The following TNIK variants were observed in gnomAD, a reference collection of about 807,000 sequenced individuals.
TNIK encodes the protein TRAF2 and NCK interacting kinase, also known as TRAF2 and NCK-interacting protein kinase.
Under a neutral mutation model 191.3 loss-of-function variants are expected in TNIK, and 49 were observed. The observed-to-expected ratio is 0.26, with a 90% CI of 0.20 to 0.32. The LOEUF is 0.32. Among genes scored for constraint, TNIK ranks in the 10% least tolerant of loss-of-function variants. The probability of loss-of-function intolerance (pLI) is 1.00; values close to 1 mark genes in which losing one functional copy is unlikely to be tolerated. For missense variants in TNIK, 1,155 were observed against 1,702.3 expected, an observed-to-expected ratio of 0.68 and a Z score of 5.66; for synonymous variants, 594 against 600.9, an observed-to-expected ratio of 0.99 and a Z score of 0.17.
intron 2 of TNIK, among the ~76,000 whole-genome samples, chr3:171,233,690 G>C (rs1404302693): frequency 1.3e-5 from 2 of 152,220 alleles, no homozygotes; most frequent in Non-Finnish European, 2.9e-5. Context: ...CAAATGAAGA[G>C]GACTTGGGAA....
chr3:171,345,242 G>A lies in TNIK; in HGVS notation c.123+24378C>T, dbSNP rs186785125. ...GAGAACAGGAGCTATTTCCTTTTTT[G>A]TTTGGGATTCTGGCTGCAGCCCAGG... On this transcript the variant is annotated intron_variant, in intron 2 of 32. Coordinates refer to ENST00000436636, the MANE Select transcript of TNIK (RefSeq NM_015028.4). Among the ~76,000 whole-genome samples the A allele has an allele frequency of 1.4e-3, 209 of 151,902 alleles. 2 individuals carry two copies. The highest frequency in any genetic ancestry group is 4.9e-3 in the African/African-American group (204 of 41,468).
At chr3:171,071,086 C>A in intron 29 of TNIK, 137 bp downstream of exon 29, 2 of 549,452 alleles carry the variant, frequency 3.6e-6, no homozygotes, top group Non-Finnish European at 3.0e-6. Context: ...AACAATAAAC[C>A]CTAGAGTACC....
At chr3:171,183,134 A>C (rs1287182134) in intron 7 of TNIK, among the ~76,000 whole-genome samples, 2 of 152,220 alleles carry the variant, frequency 1.3e-5, no homozygotes, top group East Asian at 3.8e-4. Context: ...GTGGTGGTCA[A>C]AGAGGTCACA....
chr3:171,406,619 G>C (rs1353244033), intron 1 of TNIK, among the ~76,000 whole-genome samples: 1 of 152,134 alleles, frequency 6.6e-6, no homozygotes, highest in African/African-American at 2.4e-5. Context: ...TTTTCTGGTA[G>C]AGACAGGATC....
intron 2 of TNIK, among the ~76,000 whole-genome samples, chr3:171,325,068 T>A (rs538639322): frequency 1.1e-4 from 16 of 152,172 alleles, no homozygotes; most frequent in Admixed American, 9.8e-4. Context: ...GCCACTGCAC[T>A]TCAGCCTGGG....
chr3:171,181,320 A>G (rs924635816), intron 7 of TNIK, among the ~76,000 whole-genome samples: 9 of 152,218 alleles, frequency 5.9e-5, no homozygotes, highest in African/African-American at 2.2e-4. Flanking sequence ...GGGCTCAAGA[A>G]TATTGATTTC....
chr3:171,199,117 G>A (rs993859899), intron 4 of TNIK, among the ~76,000 whole-genome samples: 1 of 151,798 alleles, frequency 6.6e-6, no homozygotes, highest in South Asian at 2.1e-4. Flanking sequence ...TCTATAATTT[G>A]CTTTCCCATT....
intron 2 of TNIK, among the ~76,000 whole-genome samples, chr3:171,249,704 T>C (rs1746013451): frequency 1.3e-5 from 2 of 152,168 alleles, no homozygotes; most frequent in Admixed American, 1.3e-4. Flanking sequence ...TTGTACGATA[T>C]ATATTAAGTG....
At chr3:171,291,235 A>G (rs1751647792) in intron 2 of TNIK, among the ~76,000 whole-genome samples, 1 of 152,180 alleles carries the variant, frequency 6.6e-6, no homozygotes, top group South Asian at 2.1e-4. Context: ...CCATAAGATA[A>G]TGTTATAGTT....
chr3:171,106,725 TTGTTAA>T (rs1560119970), intron 21 of TNIK: 1 of 534,648 alleles, frequency 1.9e-6, no homozygotes, highest in South Asian at 1.4e-5. Context: ...TCTGATGCTG[TTGTTAA>T]TGTCCCACAA....
At chr3:171,275,157 C>CT (rs1424475983) in intron 2 of TNIK, among the ~76,000 whole-genome samples, 1 of 152,126 alleles carries the variant, frequency 6.6e-6, no homozygotes, top group African/African-American at 2.4e-5. Flanking sequence ...TTGGAGCAAT[C>CT]TTTTAAAAAG....
At chr3:171,428,905 C>T (rs1003780545) in intron 1 of TNIK, among the ~76,000 whole-genome samples, 4 of 152,146 alleles carry the variant, frequency 2.6e-5, no homozygotes, top group Admixed American at 2.6e-4. Flanking sequence ...TGTCCCTTGT[C>T]CCCCTGAAGC....
intron 1 of TNIK, among the ~76,000 whole-genome samples, chr3:171,372,146 G>A (rs564602812): frequency 6.6e-6 from 1 of 152,298 alleles, no homozygotes; most frequent in Admixed American, 6.5e-5. Context: ...CTGGACAGCT[G>A]ACTTGTGAGG....
At chr3:171,392,694 A>G (rs1200265102) in intron 1 of TNIK, among the ~76,000 whole-genome samples, 2 of 148,760 alleles carry the variant, frequency 1.3e-5, no homozygotes, top group Admixed American at 6.8e-5. Flanking sequence ...CAGGAGAATC[A>G]CTTGAACCCA....
At position 171,455,268 on chromosome 3, in the gene TNIK, T is replaced by C. The variant is rs147268926; in HGVS notation, c.57+4739A>G. Among the ~76,000 whole-genome samples the C allele has an allele frequency of 3.0e-3, 461 of 152,278 alleles. 1 individual carries two copies. The highest frequency in any genetic ancestry group is 0.011 in the African/African-American group (437 of 41,544). ...TTCTTTTCTTAGTCTTCTTTTTTTT[T>C]TCTTAAACAAGATGTCACTCTGTCA... is the stretch of plus-strand genomic sequence containing the variant. On this transcript the variant is annotated intron_variant, in intron 1 of 32. Coordinates refer to ENST00000436636, the MANE Select transcript of TNIK (RefSeq NM_015028.4).
At chr3:171,367,433 T>G (rs78799253) in intron 2 of TNIK, among the ~76,000 whole-genome samples, 3,751 of 134,728 alleles carry the variant, frequency 0.028, 162 homozygotes, top group African/African-American at 0.097. Context: ...GGAGTTATAA[T>G]TCTTTAAGTA....
chr3:171,079,463 G>C (rs10513691), intron 28 of TNIK, 55 bp downstream of exon 28: 2 of 1,576,154 alleles, frequency 1.3e-6, no homozygotes, highest in African/African-American at 1.4e-5. Context: ...ACCTAACTAA[G>C]TAAGTCTGAT....
intron 2 of TNIK, among the ~76,000 whole-genome samples, chr3:171,331,385 G>A (rs1756408607): frequency 1.3e-5 from 2 of 152,106 alleles, no homozygotes; most frequent in African/African-American, 4.8e-5. Flanking sequence ...AAAATGACAA[G>A]GTGTATTATT....
At chr3:171,439,995 C>T (rs1726567035) in intron 1 of TNIK, among the ~76,000 whole-genome samples, 1 of 152,190 alleles carries the variant, frequency 6.6e-6, no homozygotes, top group African/African-American at 2.4e-5. Flanking sequence ...CACTGTGGCA[C>T]ATGGTAGAAG....
Sources: gnomAD v4.1 joint callset for allele counts (sites outside exome capture counted in the v4.1 genomes callset) on GRCh38, gnomAD v4.1.1 for gene constraint, MANE v1.5 for transcripts, NCBI Gene and HGNC (gene_info 2026-07-23, HGNC 2026-07-21) for gene names.